Variants in RPS6KC1 observed in about 807,000 individuals in gnomAD.
RPS6KC1 encodes ribosomal protein S6 kinase C1.
RPS6KC1 carries 54 observed loss-of-function variants against 103.8 expected under a neutral mutation model. The ratio of observed to expected loss-of-function variants is 0.52; its 90% CI spans 0.42 to 0.65. RPS6KC1 has a LOEUF of 0.65. Ranked by LOEUF, RPS6KC1 falls within the 30% of genes least tolerant of loss-of-function variation. The pLI is 0.00. For synonymous variants in RPS6KC1, 439 were observed against 438.7 expected, an observed-to-expected ratio of 1.00 and a Z score of -0.01; for missense variants, 1,151 against 1,253.8, an observed-to-expected ratio of 0.92 and a Z score of 1.24.
At chr1:213,746,031 C>T in the RPS6KC1 span, among the ~76,000 whole-genome samples, 14 of 152,232 alleles carry the variant, frequency 9.2e-5, no homozygotes, top group South Asian at 1.0e-3. Context: ...AAATACTGAG[C>T]GCCTACTATG....
chr1:213,759,986 T>C, the RPS6KC1 span, among the ~76,000 whole-genome samples: 1 of 152,328 alleles, frequency 6.6e-6, no homozygotes, highest in South Asian at 2.1e-4. Flanking sequence ...CAAGTCATCA[T>C]GTGCTCTCTT....
At chr1:213,773,225 T>G in the RPS6KC1 span, among the ~76,000 whole-genome samples, 6 of 151,986 alleles carry the variant, frequency 3.9e-5, no homozygotes, top group Non-Finnish European at 7.4e-5. Flanking sequence ...TCAGTCTCTT[T>G]CAAGGGGAAT....
the RPS6KC1 span, among the ~76,000 whole-genome samples, chr1:213,352,557 T>C: frequency 0.65 from 98,524 of 152,042 alleles, 33,202 homozygotes; most frequent in Non-Finnish European, 0.76. Flanking sequence ...AGAAATTAGA[T>C]GAAGTAATCA....
chr1:213,675,310 C>T, the RPS6KC1 span, among the ~76,000 whole-genome samples: 2 of 152,096 alleles, frequency 1.3e-5, no homozygotes, highest in African/African-American at 2.4e-5. Context: ...CTAGTAGAGC[C>T]CTTGGAGTCC....
chr1:213,111,901 A>G (rs545234599), intron 4 of RPS6KC1, among the ~76,000 whole-genome samples: 3 of 152,336 alleles, frequency 2.0e-5, no homozygotes, highest in South Asian at 2.1e-4. Context: ...GAAAAGTTCA[A>G]ATATAAGCTG....
chr1:213,681,709 T>C, the RPS6KC1 span, among the ~76,000 whole-genome samples: 3 of 151,868 alleles, frequency 2.0e-5, no homozygotes, highest in African/African-American at 7.3e-5. Context: ...GAGGCAAGAG[T>C]ATTGCTTGAA....
chr1:213,721,913 G>C, the RPS6KC1 span, among the ~76,000 whole-genome samples: 3 of 152,144 alleles, frequency 2.0e-5, no homozygotes, highest in Admixed American at 2.0e-4. Flanking sequence ...ACCTGAGACT[G>C]TACCCTGCCT....
the RPS6KC1 span, among the ~76,000 whole-genome samples, chr1:213,641,824 C>T: frequency 8.3e-6 from 1 of 120,110 alleles, no homozygotes; most frequent in African/African-American, 4.3e-5. Context: ...CCCCCACCCC[C>T]TGCAAAAATA....
chr1:213,623,818 A>G, the RPS6KC1 span, among the ~76,000 whole-genome samples: 1 of 152,172 alleles, frequency 6.6e-6, no homozygotes, highest in African/African-American at 2.4e-5. Flanking sequence ...ACTGCTAGCA[A>G]CACATCCGCT....
intron 4 of RPS6KC1, among the ~76,000 whole-genome samples, chr1:213,108,653 CTT>C (rs377331105): frequency 8.1e-5 from 11 of 135,602 alleles, no homozygotes; most frequent in Admixed American, 1.5e-4. Flanking sequence ...TATTTTACTT[CTT>C]TTTTTTTTTT....
the RPS6KC1 span, among the ~76,000 whole-genome samples, chr1:213,601,435 A>AAT: frequency 3.2e-4 from 47 of 147,738 alleles, no homozygotes; most frequent in Non-Finnish European, 5.4e-4. Flanking sequence ...TATATTCATA[A>AAT]ATATATATAT....
chr1:213,409,220 G>A, the RPS6KC1 span, among the ~76,000 whole-genome samples: 2 of 152,112 alleles, frequency 1.3e-5, no homozygotes, highest in South Asian at 4.2e-4. Context: ...TATTAGGTTG[G>A]TGCTAAAGTT....
the RPS6KC1 span, among the ~76,000 whole-genome samples, chr1:213,487,847 A>G: frequency 1.3e-5 from 2 of 152,128 alleles, no homozygotes; most frequent in Admixed American, 6.5e-5. Context: ...TGTTATTATT[A>G]TTACCTTTCC....
At chr1:213,666,366 G>T in the RPS6KC1 span, among the ~76,000 whole-genome samples, 39 of 152,120 alleles carry the variant, frequency 2.6e-4, 1 homozygote, top group African/African-American at 8.0e-4. Flanking sequence ...CTTCCACATC[G>T]CATGGCCCTG....
At chr1:213,791,318 T>C in the RPS6KC1 span, among the ~76,000 whole-genome samples, 1 of 152,150 alleles carries the variant, frequency 6.6e-6, no homozygotes, top group Non-Finnish European at 1.5e-5. Flanking sequence ...GTTCCTCACC[T>C]ATAAAGGGAA....
chr1:213,717,449 A>G, the RPS6KC1 span, among the ~76,000 whole-genome samples: 1 of 152,230 alleles, frequency 6.6e-6, no homozygotes, highest in Non-Finnish European at 1.5e-5. Flanking sequence ...ATGAGACCTC[A>G]AAGAGCATAC....
chr1:213,129,996 A>C, intron 6 of RPS6KC1, 107 bp downstream of exon 6: 1 of 1,129,890 alleles, frequency 8.9e-7, no homozygotes, highest in Non-Finnish European at 1.2e-6. Context: ...TAATACTGAA[A>C]ATGAGAAATT....
chr1:213,511,400 T>C, the RPS6KC1 span, among the ~76,000 whole-genome samples: 5,975 of 152,224 alleles, frequency 0.039, 161 homozygotes, highest in African/African-American at 0.076. Context: ...TGGGAAGGCA[T>C]TGACATTTTT....
intron 14 of RPS6KC1, among the ~76,000 whole-genome samples, chr1:213,268,580 A>G (rs1347084594): frequency 6.8e-6 from 1 of 147,912 alleles, no homozygotes; most frequent in East Asian, 1.9e-4. Context: ...TATATATTGT[A>G]TATATAAATA....
Sources: gnomAD v4.1 joint callset for allele counts (sites outside exome capture counted in the v4.1 genomes callset) on GRCh38, gnomAD v4.1.1 for gene constraint, MANE v1.5 for transcripts, NCBI Gene and HGNC (gene_info 2026-07-23, HGNC 2026-07-21) for gene names.